VPS37A: variants seen among roughly 807,000 people sequenced by gnomAD.
The protein encoded by VPS37A is VPS37A subunit of ESCRT-I.
A neutral mutation model predicts 49.8 loss-of-function variants in VPS37A; 30 were observed. That is an observed-to-expected ratio of 0.60 (90% CI 0.45 to 0.82). The LOEUF (loss-of-function observed/expected upper bound fraction) is 0.82, where lower values mean the gene tolerates loss of function less well. Ranked by LOEUF, VPS37A falls within the 40% of genes least tolerant of loss-of-function variation. The pLI is 0.00. For missense variants in VPS37A, 593 were observed against 464.4 expected (o/e 1.28, Z -2.55); for synonymous variants, 195 against 160.6 (o/e 1.21, Z -1.62).
chr8:17,262,486 C>T (rs867345635), intron 1 of VPS37A, among the ~76,000 whole-genome samples: 1 of 152,090 alleles, frequency 6.6e-6, no homozygotes, highest in African/African-American at 2.4e-5. Flanking sequence ...TAATTCTCTT[C>T]TCCCAGAGAA....
chr8:17,291,813 T>C (rs1816186431), intron 11 of VPS37A, among the ~76,000 whole-genome samples: 1 of 152,234 alleles, frequency 6.6e-6, no homozygotes, highest in African/African-American at 2.4e-5. Flanking sequence ...TCCGGAATTC[T>C]AATTTGATTG....
At chr8:17,247,813 A>G (rs1811456139) in intron 1 of VPS37A, 8 of 700,734 alleles carry the variant, frequency 1.1e-5, no homozygotes, top group African/African-American at 1.7e-5. Flanking sequence ...ATCAAAGGAA[A>G]GGGAAGCCAG....
At chr8:17,271,861 A>C in intron 4 of VPS37A, 2 of 406,278 alleles carry the variant, frequency 4.9e-6, no homozygotes, top group Non-Finnish European at 9.7e-6. Flanking sequence ...CTTTGCTTTT[A>C]GAGGTGTTTC....
At chr8:17,259,347 T>C (rs531563511) in intron 1 of VPS37A, among the ~76,000 whole-genome samples, 6 of 152,244 alleles carry the variant, frequency 3.9e-5, no homozygotes, top group African/African-American at 1.4e-4. Context: ...GGCTGTTCAG[T>C]AGCATGTTTA....
downstream of VPS37A, chr8:17,306,053 C>T (rs1289662763): frequency 2.2e-6 from 2 of 901,994 alleles, no homozygotes; most frequent in African/African-American, 3.4e-5. Context: ...ACCCTAGTTC[C>T]TAAATAAATC....
chr8:17,308,767 C>G, the VPS37A span, among the ~76,000 whole-genome samples: 1 of 152,134 alleles, frequency 6.6e-6, no homozygotes, highest in Non-Finnish European at 1.5e-5. Flanking sequence ...CCCAGACGTC[C>G]AAGGCCAGAC....
At position 17,297,921 on chromosome 8, in the gene VPS37A, T is replaced by G. The variant is rs1345124794; in HGVS notation, c.*2935T>G. The stretch of plus-strand genomic sequence containing the variant: ...AAAAAAGTTGAGGGGACTAAAAGTT[T>G]ATGACTCTGATATGGAAGTTGTCAT... On this transcript the variant is annotated 3_prime_UTR_variant, in exon 12 of 12. Coordinates refer to ENST00000324849, the MANE Select transcript of VPS37A (RefSeq NM_152415.3). 6.6e-6 allele frequency: 1 copy of G among 152,094 alleles called. No individual in the cohort carries two copies. The highest frequency in any genetic ancestry group is 2.4e-5 in the African/African-American group (1 of 41,464). 9.4% of individuals were successfully genotyped at this position (152,094 alleles called of 1,614,324 possible).
chr8:17,284,360 CTATATAGGG>C, intron 9 of VPS37A, 104 bp from the exon 10 acceptor site: 1 of 1,237,300 alleles, frequency 8.1e-7, no homozygotes, highest in Non-Finnish European at 1.1e-6. Flanking sequence ...CAAAAAGAGG[CTATATAGGG>C]CATATAATAA....
At chr8:17,269,748 A>T (rs772178228) in intron 4 of VPS37A, among the ~76,000 whole-genome samples, 1 of 151,662 alleles carries the variant, frequency 6.6e-6, no homozygotes, top group African/African-American at 2.4e-5. Flanking sequence ...CTTAGATTTC[A>T]TTTTTCCCTT....
chr8:17,251,367 A>G (rs927823252), intron 1 of VPS37A, among the ~76,000 whole-genome samples: 3 of 152,220 alleles, frequency 2.0e-5, no homozygotes, highest in African/African-American at 7.2e-5. Flanking sequence ...TAAAATCAGC[A>G]ATTGTGATTC....
intron 1 of VPS37A, among the ~76,000 whole-genome samples, chr8:17,265,420 A>T (rs1201720727): frequency 6.6e-6 from 1 of 152,090 alleles, no homozygotes; most frequent in African/African-American, 2.4e-5. Context: ...AAAAAAGGGG[A>T]TATTTGTTTT....
rs201069468 is a variant in VPS37A, at chr8:17,276,402, C to A, written c.648C>A (p.Ser216Arg). Reference protein sequence around the residue: ...IPTVDASIPTSQNGFGYKMPD... With the variant: ...IPTVDASIPTRQNGFGYKMPD... ...CATTTAAAACTTTTCTTTAGACAAG[C>A]CAAAATGGTTTTGGGTACAAGATGC... Residue 216 changes from serine to arginine, a missense_variant, in exon 6 of 12, where the codon AGC (serine) becomes AGA (arginine). Ser to Arg is a moderately radical substitution (Grantham distance 110). Transcript: ENST00000324849. 2.4e-5 allele frequency: 38 copies of A among 1,611,212 alleles called. No homozygotes were observed. In the Middle Eastern group the frequency reaches 1.2e-3, roughly 49 times the overall value.
chr8:17,300,261 A>G, downstream of VPS37A: 3 of 1,569,566 alleles, frequency 1.9e-6, no homozygotes, highest in Non-Finnish European at 2.6e-6. Flanking sequence ...GAAAAATCAT[A>G]AATAACTTAT....
At chr8:17,262,621 CACT>C (rs1373677475) in intron 1 of VPS37A, among the ~76,000 whole-genome samples, 1 of 151,338 alleles carries the variant, frequency 6.6e-6, no homozygotes, top group African/African-American at 2.4e-5. Context: ...AAAATAGTAC[CACT>C]GTCAGTATAA....
chr8:17,252,386 G>A (rs1405703151), intron 1 of VPS37A, among the ~76,000 whole-genome samples: 1 of 152,078 alleles, frequency 6.6e-6, no homozygotes, highest in Admixed American at 6.6e-5. Flanking sequence ...ATGTTGCCCA[G>A]GCTTGTCTCT....
chr8:17,306,033 C>T (rs1817432262), downstream of VPS37A: 3 of 1,198,098 alleles, frequency 2.5e-6, no homozygotes, highest in Non-Finnish European at 3.5e-6. Flanking sequence ...CAAAAACAAC[C>T]ATAAAAGCAA....
chr8:17,331,332 A>G, the VPS37A span: 1 of 1,529,470 alleles, frequency 6.5e-7, no homozygotes, highest in Non-Finnish European at 8.7e-7. Context: ...TGATGAAACA[A>G]TGATGAAACA....
At chr8:17,247,505 C>A (rs967534485) in intron 1 of VPS37A, 136 bp downstream of exon 1, 15 of 1,238,730 alleles carry the variant, frequency 1.2e-5, no homozygotes, top group South Asian at 1.1e-4. Flanking sequence ...GTGGGTCACA[C>A]GCTTGCTCTG....
intron 1 of VPS37A, among the ~76,000 whole-genome samples, chr8:17,251,537 T>C (rs2150344707): frequency 6.6e-6 from 1 of 152,342 alleles, no homozygotes; most frequent in Non-Finnish European, 1.5e-5. Flanking sequence ...TCTAGCCAGC[T>C]TATTGTTTGT....
Sources: allele counts gnomAD v4.1 joint callset (sites outside exome capture counted in the v4.1 genomes callset), GRCh38; gene constraint gnomAD v4.1.1; transcripts MANE v1.5; gene names NCBI Gene and HGNC (gene_info 2026-07-23, HGNC 2026-07-21).